GRID2: variants seen among roughly 807,000 people sequenced by gnomAD.
GRID2 encodes glutamate ionotropic receptor delta type subunit 2.
Under a neutral mutation model 114.8 loss-of-function variants are expected in GRID2, and 33 were observed. That is an observed-to-expected ratio of 0.29 (90% CI 0.22 to 0.38). GRID2 has a LOEUF of 0.38. Ranked by LOEUF, GRID2 falls within the 10% of genes least tolerant of loss-of-function variation. GRID2 has a pLI of 1.00. For missense variants in GRID2, 1,184 were observed against 1,257.7 expected (o/e 0.94, Z 0.89); for synonymous variants, 505 against 449.9 (o/e 1.12, Z -1.55).
intron 14 of GRID2, among the ~76,000 whole-genome samples, chr4:93,689,973 A>G (rs1726399401): frequency 6.6e-6 from 1 of 152,130 alleles, no homozygotes; most frequent in Non-Finnish European, 1.5e-5. Flanking sequence ...ACCCAAAGAT[A>G]ACTAATAACA....
chr4:93,574,147 G>A (rs1463218112), intron 13 of GRID2, among the ~76,000 whole-genome samples: 1 of 152,086 alleles, frequency 6.6e-6, no homozygotes, highest in African/African-American at 2.4e-5. Flanking sequence ...CCTATTCAAT[G>A]CCCATCTTTC....
At chr4:93,714,121 G>A (rs1728710445) in intron 14 of GRID2, among the ~76,000 whole-genome samples, 1 of 151,940 alleles carries the variant, frequency 6.6e-6, no homozygotes, top group Admixed American at 6.6e-5. Flanking sequence ...CCCAGTGTGT[G>A]TTGTTCCCCT....
At chr4:93,319,366 C>A (rs1756996745) in intron 8 of GRID2, among the ~76,000 whole-genome samples, 1 of 152,012 alleles carries the variant, frequency 6.6e-6, no homozygotes, top group Non-Finnish European at 1.5e-5. Flanking sequence ...TGTCCCTTGT[C>A]AATTTCTTAA....
In GRID2 at chr4:93,737,778, C is replaced by T. The variant is rs75195588; in HGVS notation, c.2361-31432C>T. 6.1e-3 allele frequency among the ~76,000 whole-genome samples: 925 copies of T among 152,168 alleles called. 11 individuals are homozygous for T. Among genetic ancestry groups the T allele is most frequent in the African/African-American group, 0.021 (882 of 41,528 alleles). On this transcript the variant is annotated intron_variant, in intron 14 of 15. Coordinates refer to ENST00000282020, the MANE Select transcript of GRID2 (RefSeq NM_001510.4). Reference sequence around the variant, plus strand: ...CCCATTTTCATTGAAATCCTATATACAGATATAGTCAAGTTTCTTATCAGC... The same window carrying T: ...CCCATTTTCATTGAAATCCTATATATAGATATAGTCAAGTTTCTTATCAGC...
intron 13 of GRID2, among the ~76,000 whole-genome samples, chr4:93,540,305 C>CT (rs1463024325): frequency 5.9e-5 from 9 of 151,908 alleles, no homozygotes; most frequent in African/African-American, 2.2e-4. Context: ...ATGGATTGGC[C>CT]TTTAACATTT....
chr4:92,436,028 T>G (rs1732720042), intron 1 of GRID2, among the ~76,000 whole-genome samples: 1 of 152,154 alleles, frequency 6.6e-6, no homozygotes. Context: ...CATATGAGAC[T>G]TCACAAGGAA....
chr4:93,283,590 G>A (rs1354739856), intron 8 of GRID2, among the ~76,000 whole-genome samples: 1 of 152,074 alleles, frequency 6.6e-6, no homozygotes, highest in Non-Finnish European at 1.5e-5. Context: ...TGGAGAATGT[G>A]TAGGTGCAGT....
chr4:93,071,971 TAAGCACTGGAAAACACAATGTCAAAAAA>T (rs1420078561), intron 2 of GRID2, among the ~76,000 whole-genome samples: 6 of 152,238 alleles, frequency 3.9e-5, no homozygotes, highest in African/African-American at 9.6e-5. Flanking sequence ...ACTGAGTTTA[TAAGCACTGGAAAACACAATGTCAAAAAA>T]AAGCACTGGA....
chr4:93,322,998 C>A (rs1303255398), intron 8 of GRID2, among the ~76,000 whole-genome samples: 2 of 152,054 alleles, frequency 1.3e-5, no homozygotes, highest in Non-Finnish European at 1.5e-5. Flanking sequence ...CTGTAGGTTG[C>A]CTGTTCACTC....
rs886821973 is a variant in GRID2 at position 92,579,613 on chromosome 4, G to A, written c.89-10518G>A. Among the ~76,000 whole-genome samples, 9 of 151,944 alleles carry A rather than the reference G, an allele frequency of 5.9e-5. No individual in the cohort carries two copies. The South Asian group carries it at 1.7e-3, about 28-fold the overall frequency. On this transcript the variant is annotated intron_variant, in intron 1 of 15. Coordinates refer to ENST00000282020, the MANE Select transcript of GRID2 (RefSeq NM_001510.4). ...TAAGTCCTATATCATGTATGTTTTA[G>A]CATGTGATTAAGTAATTCATCTAAC... is the stretch of plus-strand genomic sequence containing the variant.
At chr4:93,275,444 A>G (rs113074458) in intron 8 of GRID2, among the ~76,000 whole-genome samples, 30,955 of 151,186 alleles carry the variant, frequency 0.2, 3,335 homozygotes, top group Middle Eastern at 0.32. Flanking sequence ...ATATATATAT[A>G]TATATACCTA....
intron 4 of GRID2, among the ~76,000 whole-genome samples, chr4:93,134,259 A>T (rs1039975285): frequency 2.0e-5 from 3 of 152,156 alleles, no homozygotes; most frequent in African/African-American, 4.8e-5. Context: ...GGTCAGATGA[A>T]TATTGTTTAG....
intron 10 of GRID2, among the ~76,000 whole-genome samples, chr4:93,438,285 A>T (rs1721297376): frequency 6.6e-6 from 1 of 152,124 alleles, no homozygotes; most frequent in South Asian, 2.1e-4. Flanking sequence ...ACAGGGTGCC[A>T]TGGCAACCCA....
At chr4:93,551,016 G>A (rs1462444396) in intron 13 of GRID2, among the ~76,000 whole-genome samples, 1 of 152,132 alleles carries the variant, frequency 6.6e-6, no homozygotes, top group Admixed American at 6.6e-5. Flanking sequence ...TGACCTGGGG[G>A]AAAATAACTT....
intron 14 of GRID2, among the ~76,000 whole-genome samples, chr4:93,725,877 A>G (rs915682640): frequency 6.6e-6 from 1 of 151,946 alleles, no homozygotes; most frequent in African/African-American, 2.4e-5. Context: ...TAGATTCTGG[A>G]TATTAGCCCT....
intron 2 of GRID2, among the ~76,000 whole-genome samples, chr4:92,608,734 A>AT (rs1228298219): frequency 1.3e-5 from 2 of 151,578 alleles, no homozygotes; most frequent in African/African-American, 4.8e-5. Flanking sequence ...TATGGTTACT[A>AT]TTTTTTTCAT....
chr4:92,866,908 C>T (rs1004867916), intron 2 of GRID2, among the ~76,000 whole-genome samples: 2 of 152,074 alleles, frequency 1.3e-5, no homozygotes, highest in African/African-American at 4.8e-5. Flanking sequence ...TTAACATTAC[C>T]ATAGAATGCT....
intron 1 of GRID2, among the ~76,000 whole-genome samples, chr4:92,341,336 A>G (rs1727478369): frequency 1.3e-5 from 2 of 152,146 alleles, no homozygotes; most frequent in African/African-American, 4.8e-5. Flanking sequence ...AATGTGGATC[A>G]CTTGCTAGTT....
chr4:93,475,025 C>G (rs955092452), intron 11 of GRID2, among the ~76,000 whole-genome samples: 1 of 152,002 alleles, frequency 6.6e-6, no homozygotes, highest in Non-Finnish European at 1.5e-5. Context: ...CACCCTGATC[C>G]CCTTCCTCCC....
Sources: allele counts gnomAD v4.1 joint callset (sites outside exome capture counted in the v4.1 genomes callset), GRCh38; gene constraint gnomAD v4.1.1; transcripts MANE v1.5; gene names NCBI Gene and HGNC (gene_info 2026-07-23, HGNC 2026-07-21).